Variants in CTNNA2 observed in about 807,000 individuals in gnomAD.
CTNNA2 encodes catenin alpha 2, also known as catenin alpha-2.
In CTNNA2, 42 loss-of-function variants were observed where a neutral mutation model predicts 101.0. The observed-to-expected ratio is 0.42, with a 90% CI of 0.32 to 0.54. The LOEUF is 0.54. CTNNA2 is among the 20% of genes least tolerant of loss of function. The probability of loss-of-function intolerance (pLI) is 0.14; values close to 1 mark genes in which losing one functional copy is unlikely to be tolerated. For synonymous variants in CTNNA2, 450 were observed against 456.4 expected, an observed-to-expected ratio of 0.99 and a Z score of 0.18; for missense variants, 871 against 1,223.1, an observed-to-expected ratio of 0.71 and a Z score of 4.29.
At chr2:80,520,682 A>C (rs904618068) in intron 9 of CTNNA2, among the ~76,000 whole-genome samples, 10 of 152,156 alleles carry the variant, frequency 6.6e-5, no homozygotes, top group African/African-American at 2.4e-4. Flanking sequence ...CTCATGACTT[A>C]ATTAGCCCCC....
chr2:79,860,814 A>C (rs910310610), intron 4 of CTNNA2, among the ~76,000 whole-genome samples: 11 of 152,184 alleles, frequency 7.2e-5, no homozygotes, highest in South Asian at 2.1e-4. Flanking sequence ...AAAAGACAAT[A>C]CGTCAATAAT....
chr2:80,125,699 C>T (rs1003903559), intron 7 of CTNNA2, among the ~76,000 whole-genome samples: 1 of 152,158 alleles, frequency 6.6e-6, no homozygotes, highest in Admixed American at 6.6e-5. Flanking sequence ...AGATGAAACC[C>T]ATTTGCCATT....
intron 9 of CTNNA2, among the ~76,000 whole-genome samples, chr2:80,433,440 G>A (rs540605482): frequency 7.9e-5 from 12 of 152,134 alleles, no homozygotes; most frequent in African/African-American, 1.7e-4. Flanking sequence ...GAATTAAAGC[G>A]GGCCCCATTC....
At chr2:79,489,983 C>A (rs1671193579) in intron 4 of CTNNA2, among the ~76,000 whole-genome samples, 1 of 152,152 alleles carries the variant, frequency 6.6e-6, no homozygotes, top group Non-Finnish European at 1.5e-5. Context: ...TTGATCTCCA[C>A]TCTGTACTCT....
chr2:79,291,904 G>A (rs1352885299), intron 2 of CTNNA2, among the ~76,000 whole-genome samples: 1 of 152,032 alleles, frequency 6.6e-6, no homozygotes, highest in Admixed American at 6.6e-5. Context: ...ATATTGTATT[G>A]CAAAGACAAG....
At chr2:80,032,651 A>G (rs955287550) in intron 7 of CTNNA2, among the ~76,000 whole-genome samples, 3 of 152,236 alleles carry the variant, frequency 2.0e-5, no homozygotes, top group African/African-American at 7.2e-5. Context: ...GTAGCAGTAT[A>G]TGATTAATAT....
At chr2:79,444,114 C>A (rs553902601) in intron 4 of CTNNA2, among the ~76,000 whole-genome samples, 29 of 152,070 alleles carry the variant, frequency 1.9e-4, no homozygotes, top group African/African-American at 7.0e-4. Flanking sequence ...TCAGATGAGA[C>A]GATAACCCTA....
chr2:79,359,837 G>A (rs1319484616), intron 3 of CTNNA2, among the ~76,000 whole-genome samples: 2 of 152,010 alleles, frequency 1.3e-5, no homozygotes, highest in Non-Finnish European at 2.9e-5. Flanking sequence ...GGGGACCCTT[G>A]ATAATCTTCT....
rs147447103 is a variant in CTNNA2, at chr2:79,471,542, A to G, written c.-134-33512A>G. On this transcript the variant is annotated intron_variant, in intron 4 of 21. Transcript: ENST00000466387. ...CCTAATACCATCACATCGGAGGTTA[A>G]GATTTTAACATATCGGCCGGGTGCA... Among the ~76,000 whole-genome samples the G allele has an allele frequency of 4.9e-3, 744 of 152,282 alleles. 10 individuals are homozygous for G. Among genetic ancestry groups the G allele is most frequent in the African/African-American group, 0.017 (700 of 41,570 alleles).
intron 9 of CTNNA2, among the ~76,000 whole-genome samples, chr2:80,446,403 G>C (rs1475628425): frequency 6.6e-6 from 1 of 152,160 alleles, no homozygotes; most frequent in African/African-American, 2.4e-5. Flanking sequence ...GTGCACACTC[G>C]ACCTGCTTAT....
At chr2:80,094,565 G>T (rs1290374021) in intron 7 of CTNNA2, among the ~76,000 whole-genome samples, 1 of 152,064 alleles carries the variant, frequency 6.6e-6, no homozygotes, top group East Asian at 1.9e-4. Flanking sequence ...AGCTTGATGG[G>T]GATGGCATTG....
chr2:79,499,780 G>T (rs1440769676), intron 4 of CTNNA2, among the ~76,000 whole-genome samples: 1 of 152,156 alleles, frequency 6.6e-6, no homozygotes, highest in Non-Finnish European at 1.5e-5. Context: ...AGCCTTGCAG[G>T]CACCACTTAC....
At chr2:79,968,412 G>C (rs1690234390) in intron 7 of CTNNA2, among the ~76,000 whole-genome samples, 1 of 152,134 alleles carries the variant, frequency 6.6e-6, no homozygotes, top group Non-Finnish European at 1.5e-5. Context: ...GAGTGCAGTG[G>C]TGGCTATGAA....
chr2:80,335,728 G>C (rs2149269964), intron 7 of CTNNA2, among the ~76,000 whole-genome samples: 1 of 152,264 alleles, frequency 6.6e-6, no homozygotes, highest in South Asian at 2.1e-4. Flanking sequence ...AATTTTCAGT[G>C]TTTCCTTTAG....
intron 2 of CTNNA2, among the ~76,000 whole-genome samples, chr2:79,256,937 T>C (rs1674853896): frequency 6.6e-6 from 1 of 152,220 alleles, no homozygotes; most frequent in Non-Finnish European, 1.5e-5. Flanking sequence ...ATTATTTTAT[T>C]TGTAATACAT....
chr2:80,095,317 A>G (rs1573058214), intron 7 of CTNNA2, among the ~76,000 whole-genome samples: 1 of 152,096 alleles, frequency 6.6e-6, no homozygotes, highest in South Asian at 2.1e-4. Context: ...ATTGATTTGC[A>G]TATGTTGAAC....
rs557313789 is a variant in CTNNA2 at position 79,823,995 on chromosome 2, A to G, written c.299-34018A>G. Among the ~76,000 whole-genome samples, 5 of 152,090 alleles carry G rather than the reference A, an allele frequency of 3.3e-5. No homozygotes were observed. In the South Asian group the frequency reaches 6.2e-4, roughly 19 times the overall value. On this transcript the variant is annotated intron_variant, in intron 3 of 18. Transcript: ENST00000402739. ...CAAGGACCTCTGTCTGTTTAGGGGGAAAAAAAATAAAAGGCAGAAATCACA... is the reference window on the plus strand; with the variant it reads ...CAAGGACCTCTGTCTGTTTAGGGGGGAAAAAAATAAAAGGCAGAAATCACA...
intron 6 of CTNNA2, among the ~76,000 whole-genome samples, chr2:79,881,364 T>C (rs1007756787): frequency 6.6e-6 from 1 of 152,192 alleles, no homozygotes; most frequent in African/African-American, 2.4e-5. Flanking sequence ...TGAATATCTT[T>C]GTTAATTTTC....
intron 4 of CTNNA2, among the ~76,000 whole-genome samples, chr2:79,436,224 A>G (rs1305587621): frequency 2.0e-5 from 3 of 152,178 alleles, no homozygotes; most frequent in African/African-American, 4.8e-5. Flanking sequence ...TGTCATCAGG[A>G]AGCCTTAGTG....
Sources: allele counts gnomAD v4.1 joint callset (sites outside exome capture counted in the v4.1 genomes callset), GRCh38; gene constraint gnomAD v4.1.1; transcripts MANE v1.5; gene names NCBI Gene and HGNC (gene_info 2026-07-23, HGNC 2026-07-21).